KLHL29: variants seen among roughly 807,000 people sequenced by gnomAD.
KLHL29 encodes the protein kelch-like protein 29.
A neutral mutation model predicts 80.4 loss-of-function variants in KLHL29; 21 were observed. The ratio of observed to expected loss-of-function variants is 0.26; its 90% confidence interval spans 0.19 to 0.38. The LOEUF is 0.38. KLHL29 is among the 10% of genes least tolerant of loss of function. The probability of loss-of-function intolerance (pLI) is 1.00; values close to 1 mark genes in which losing one functional copy is unlikely to be tolerated. For synonymous variants in KLHL29, 511 were observed against 526.8 expected (o/e 0.97, Z 0.41); for missense variants, 867 against 1,223.9 (o/e 0.71, Z 4.35).
At chr2:23,555,318 TAGGGAC>T (rs1241330613) in intron 2 of KLHL29, among the ~76,000 whole-genome samples, 2 of 152,238 alleles carry the variant, frequency 1.3e-5, no homozygotes, top group Non-Finnish European at 2.9e-5. Context: ...ATGAGGGTTC[TAGGGAC>T]AGGCAGTGGG....
At chr2:23,639,086 T>A in intron 3 of KLHL29, 53 bp from the exon 4 acceptor site, 3 of 1,471,868 alleles carry the variant, frequency 2.0e-6, no homozygotes, top group Non-Finnish European at 2.7e-6. Flanking sequence ...AGTCTTGTTC[T>A]GGAGGCTGGT....
chr2:23,485,098 C>A (rs1664896461), intron 2 of KLHL29, among the ~76,000 whole-genome samples: 1 of 152,176 alleles, frequency 6.6e-6, no homozygotes, highest in Non-Finnish European at 1.5e-5. Context: ...TTCCCACCCC[C>A]AGTACTGAGG....
chr2:23,492,743 A>G (rs1357381284), intron 2 of KLHL29, among the ~76,000 whole-genome samples: 1 of 152,176 alleles, frequency 6.6e-6, no homozygotes. Flanking sequence ...GAAGGAAGGA[A>G]AAAGAGAGGT....
At chr2:23,560,457 G>T (rs563516358) in intron 2 of KLHL29, among the ~76,000 whole-genome samples, 37 of 152,160 alleles carry the variant, frequency 2.4e-4, no homozygotes, top group African/African-American at 7.5e-4. Flanking sequence ...TTTTAGTAGA[G>T]ATGGGGTTTC....
chr2:23,684,662 TCTC>T lies in KLHL29; in HGVS notation c.1079+148_1079+150del, dbSNP rs66787697. On this transcript the variant is annotated intron_variant, in intron 6 of 13. Transcript: ENST00000486442. The surrounding 1 kb of genome is among the most constrained non-coding windows in gnomAD (Gnocchi z 4.4). ...CCCTGTCACAGAGCCAGTAGCCATC[TCTC>T]CTCCTCCTCCTCCTCCTCCTCCCCA... 463,193 of 553,674 alleles carry T rather than the reference TCTC, an allele frequency of 0.84. 199,130 individuals carry two copies. Among genetic ancestry groups the T allele is most frequent in the East Asian group, 0.97 (30,524 of 31,402 alleles). The allele number at this position is 553,674 out of a possible 1,614,324, so 34.3% of individuals were successfully genotyped here. A position where few individuals can be genotyped will look rare whatever the true frequency, so the allele number is the denominator to read the frequency against.
At position 23,461,975 on chromosome 2, in the gene KLHL29, C is replaced by CTTTTTTTTTTTTTT. The variant is rs1164075132; in HGVS notation, c.-153-13585_-153-13584insTTTTTTTTTTTTTT. Among the ~76,000 whole-genome samples the CTTTTTTTTTTTTTT allele has an allele frequency of 7.5e-5, 6 of 79,542 alleles. 1 individual carries two copies. Among genetic ancestry groups the CTTTTTTTTTTTTTT allele is most frequent in the Admixed American group, 1.1e-4 (1 of 9,352 alleles). 52.2% of individuals were successfully genotyped at this position (79,542 alleles called of 152,430 possible). A position where few individuals can be genotyped will look rare whatever the true frequency, so the allele number is the denominator to read the frequency against. On this transcript the variant is annotated intron_variant, in intron 1 of 13. Transcript: ENST00000486442. ...GTGCAAAAGTAATTGCGGTTTTTGC[C>CTTTTTTTTTTTTTT]ATTTTTTTTTTTTTAATGACAAAAA... is the stretch of plus-strand genomic sequence containing the variant.
At chr2:23,531,856 C>T (rs1339465062) in intron 2 of KLHL29, among the ~76,000 whole-genome samples, 2 of 152,234 alleles carry the variant, frequency 1.3e-5, no homozygotes, top group East Asian at 3.8e-4. Flanking sequence ...GCAGACTGCA[C>T]TATACTATTT....
intron 1 of KLHL29, among the ~76,000 whole-genome samples, chr2:23,448,136 G>A (rs1278007771): frequency 6.6e-6 from 1 of 151,982 alleles, no homozygotes; most frequent in Non-Finnish European, 1.5e-5. Flanking sequence ...CCCCATTCCT[G>A]GAAGATCCAC....
chr2:23,586,853 C>T (rs1031907645), intron 3 of KLHL29, among the ~76,000 whole-genome samples: 2 of 152,034 alleles, frequency 1.3e-5, no homozygotes, highest in African/African-American at 4.8e-5. Context: ...CTCTTCCCCC[C>T]ACGGGCACTG....
Position 23,696,151 on chromosome 2 carries a change from T to TG in KLHL29, c.1924+22dup, listed in dbSNP as rs567439604. The TG allele has an allele frequency of 2.4e-4, 378 of 1,548,276 alleles. 4 individuals are homozygous for TG. In the South Asian group the frequency reaches 4.2e-3, roughly 17 times the overall value. On this transcript the variant is annotated intron_variant, in intron 10 of 13. Transcript: ENST00000486442. The surrounding 1 kb of genome is among the most constrained non-coding windows in gnomAD (Gnocchi z 5.5). ...CCTCTCAGGTGAGGCCCCCCGGGGT[T>TG]GGGGCGGGACCAGGCATGGGGGTCC...
chr2:23,430,068 C>T (rs774411533), intron 1 of KLHL29, among the ~76,000 whole-genome samples: 1 of 152,238 alleles, frequency 6.6e-6, no homozygotes, highest in South Asian at 2.1e-4. Context: ...GGGATTTGAA[C>T]CCTTGCCGTG....
Position 23,437,298 on chromosome 2 carries a change from A to G in KLHL29, c.-153-38262A>G, listed in dbSNP as rs528116462. On this transcript the variant is annotated intron_variant, in intron 1 of 13. Transcript: ENST00000486442. ...GAAATTGAGATTGGTTTCTTGATCTATGAGATTGCAACTTGGTGTGGTATT... is the reference window on the plus strand; with the variant it reads ...GAAATTGAGATTGGTTTCTTGATCTGTGAGATTGCAACTTGGTGTGGTATT... Among the ~76,000 whole-genome samples, 13 of 152,330 alleles carry G rather than the reference A, an allele frequency of 8.5e-5. No individual in the cohort carries two copies. In the South Asian group the frequency reaches 1.7e-3, roughly 19 times the overall value.
chr2:23,499,912 G>C (rs997031651), intron 2 of KLHL29, among the ~76,000 whole-genome samples: 4 of 152,262 alleles, frequency 2.6e-5, no homozygotes, highest in African/African-American at 9.6e-5. Context: ...AGAGGAGTAG[G>C]AGGTGTTGGC....
chr2:23,425,234 T>C (rs1662975148), intron 1 of KLHL29, among the ~76,000 whole-genome samples: 1 of 152,198 alleles, frequency 6.6e-6, no homozygotes, highest in Non-Finnish European at 1.5e-5. Context: ...TTTTTAATTG[T>C]AGGGGGTTTG....
At chr2:23,524,584 C>T (rs942588152) in intron 2 of KLHL29, among the ~76,000 whole-genome samples, 4 of 149,742 alleles carry the variant, frequency 2.7e-5, no homozygotes, top group Non-Finnish European at 5.9e-5. Context: ...AACATGCTTG[C>T]GGGCATCTGT....
intron 2 of KLHL29, among the ~76,000 whole-genome samples, chr2:23,525,760 C>T (rs1220869342): frequency 6.8e-6 from 1 of 146,858 alleles, no homozygotes; most frequent in African/African-American, 2.5e-5. Flanking sequence ...GCCAGCAGAG[C>T]CAGGGCCCAC....
intron 3 of KLHL29, among the ~76,000 whole-genome samples, chr2:23,602,847 C>G (rs1488653764): frequency 6.6e-6 from 1 of 152,112 alleles, no homozygotes; most frequent in Non-Finnish European, 1.5e-5. Flanking sequence ...CTACTCAGGC[C>G]CAGCCCAGGG....
chr2:23,588,273 C>T (rs1270044828), intron 3 of KLHL29, among the ~76,000 whole-genome samples: 1 of 152,166 alleles, frequency 6.6e-6, no homozygotes, highest in Non-Finnish European at 1.5e-5. Context: ...CCAGGACTCT[C>T]CCTTGGCCCA....
At chr2:23,438,412 G>C (rs905298830) in intron 1 of KLHL29, among the ~76,000 whole-genome samples, 3 of 129,328 alleles carry the variant, frequency 2.3e-5, no homozygotes, top group Non-Finnish European at 4.8e-5. Context: ...AATGCTTCCA[G>C]TTTTTGCCCA....
Sources: gnomAD v4.1 joint callset for allele counts (sites outside exome capture counted in the v4.1 genomes callset) on GRCh38, gnomAD v4.1.1 for gene constraint, Gnocchi (gnomAD v3.1) non-coding constraint, MANE v1.5 for transcripts, NCBI Gene and HGNC (gene_info 2026-07-23, HGNC 2026-07-21) for gene names.